CAMKV: variants seen among roughly 807,000 people sequenced by gnomAD.
CAMKV encodes CaM kinase like vesicle associated.
Under a neutral mutation model 50.2 loss-of-function variants are expected in CAMKV, and 5 were observed. The observed-to-expected ratio is 0.10, with a 90% CI of 0.05 to 0.21. CAMKV has a LOEUF of 0.21. Among genes scored for constraint, CAMKV ranks in the 10% least tolerant of loss-of-function variants. CAMKV has a pLI of 1.00. For missense variants in CAMKV, 361 were observed against 650.5 expected (o/e 0.55, Z 4.84); for synonymous variants, 229 against 250.1 (o/e 0.92, Z 0.80).
At position 49,861,298 on chromosome 3, in the gene CAMKV, C is replaced by T; in HGVS notation, c.444G>A (p.Leu148=). 1 of 1,614,106 alleles carries T rather than the reference C, an allele frequency of 6.2e-7. No individual in the cohort carries two copies. The highest frequency in any genetic ancestry group is 8.5e-7 in the Non-Finnish European group (1 of 1,180,038). ...SLKIVHRNLK[L]ENLVYYNRLK... ...GCCGGTTGTAGTAAACCAGGTTCTCCAGCTGTGGTGTGAGAATAGCATGTG... is the reference window on the plus strand; with the variant it reads ...GCCGGTTGTAGTAAACCAGGTTCTCTAGCTGTGGTGTGAGAATAGCATGTG... The change falls in exon 6 of 11, where the codon CTG becomes CTA. Residue 148 remains leucine, a splice_region_variant and synonymous_variant. Transcript: ENST00000477224. This position sits in a 1 kb window ranked among gnomAD's most constrained non-coding sequence, Gnocchi z 7.7.
rs149864872 is a variant in CAMKV, at chr3:49,862,335, C to A, written c.54G>T (p.Ser18=). ...CCAAATCATATCTGTCAGTCACCTC[C>A]GATGGCTGGTTATAGTTCTTCTTGT... ...LGDKKNYNQP[S]EVTDRYDLGQ... is the part of the protein sequence containing the mutation. Residue 18 remains serine, a synonymous_variant, in exon 2 of 11, where the codon TCG becomes TCT. Transcript: ENST00000477224. This position sits in a 1 kb window ranked among gnomAD's most constrained non-coding sequence, Gnocchi z 5.2. 331 of 1,614,102 alleles carry A rather than the reference C, an allele frequency of 2.1e-4. No homozygotes were observed. The highest frequency in any genetic ancestry group is 2.7e-4 in the Non-Finnish European group (316 of 1,180,046).
rs2082022737 is a variant in CAMKV, at chr3:49,861,680, A to G, written c.303-103T>C. The G allele has an allele frequency of 3.1e-6, 5 of 1,597,100 alleles. No homozygotes were observed. The highest frequency in any genetic ancestry group is 4.3e-6 in the Non-Finnish European group (5 of 1,167,354). On this transcript the variant is annotated intron_variant, in intron 4 of 10. Transcript: ENST00000477224. The surrounding 1 kb of genome is among the most constrained non-coding windows in gnomAD (Gnocchi z 7.7). Reference sequence around the variant, plus strand: ...CCAGGCAGCTGGCTGAGCAAGGCACAGGGACCTGGGACGCCAAGGGTCCAG... The same window carrying G: ...CCAGGCAGCTGGCTGAGCAAGGCACGGGGACCTGGGACGCCAAGGGTCCAG...
Position 49,869,476 on chromosome 3 carries a change from C to A in CAMKV, c.-15+282G>T, listed in dbSNP as rs1290805904. ...GCTCAGCTCTCGGCCCCTATCCTCA[C>A]GGGGGACCACGAATCTTCGAGGGTT... is the stretch of plus-strand genomic sequence containing the variant. On this transcript the variant is annotated intron_variant, in intron 1 of 10. Transcript: ENST00000477224. This position sits in a 1 kb window ranked among gnomAD's most constrained non-coding sequence, Gnocchi z 5.2. Among the ~76,000 whole-genome samples the A allele has an allele frequency of 6.6e-6, 1 of 152,170 alleles. No homozygotes were observed. The highest frequency in any genetic ancestry group is 1.5e-5 in the Non-Finnish European group (1 of 68,012).
Position 49,860,488 on chromosome 3 carries a change from C to T in CAMKV, c.837G>A (p.Glu279=), listed in dbSNP as rs56071455. The T allele has an allele frequency of 1.2e-6, 2 of 1,613,516 alleles. No individual in the cohort carries two copies. Among genetic ancestry groups the T allele is most frequent in the African/African-American group, 1.3e-5 (1 of 74,902 alleles). Residue 279 remains glutamate (E), a synonymous_variant, in exon 9 of 11, where the codon GAG becomes GAA. Transcript: ENST00000477224. The surrounding 1 kb of genome is among the most constrained non-coding windows in gnomAD (Gnocchi z 6.1). ...VEQDQRITAE[E]AISHEWISGN... ...CTGCTCACCACTCATGGGAGATGGC[C>T]TCTTCTGCAGTGATCCGCTGGTCTT...
rs764079591 is a variant in CAMKV, at chr3:49,859,685, G to C, written c.1139C>G (p.Ala380Gly). The part of the protein sequence containing the change: ...AARAAKSDNV[A>G]PADRSATPAT... ...TGGGGTGGCACTACGGTCTGCGGGG[G>C]CCACATTATCACTCTTTGCAGCACG... The change falls in exon 11 of 11, where the codon GCC (alanine) becomes GGC (glycine). Residue 380 changes from alanine (A) to glycine (G), a missense_variant. Transcript: ENST00000477224. This position sits in a 1 kb window ranked among gnomAD's most constrained non-coding sequence, Gnocchi z 5.5. 7.4e-6 allele frequency: 12 copies of C among 1,613,716 alleles called. No homozygotes were observed. In the South Asian group the frequency reaches 1.3e-4, roughly 18 times the overall value.
chr3:49,864,385 G>C (rs1487661609), intron 1 of CAMKV, among the ~76,000 whole-genome samples: 1 of 152,230 alleles, frequency 6.6e-6, no homozygotes, highest in Non-Finnish European at 1.5e-5. Context: ...GTCAGGTCCA[G>C]GTGCAAGGCC....
At chr3:49,866,498 A>C (rs2082066566) in intron 1 of CAMKV, among the ~76,000 whole-genome samples, 1 of 152,198 alleles carries the variant, frequency 6.6e-6, no homozygotes, top group Non-Finnish European at 1.5e-5. Context: ...TGGGAGCTCC[A>C]CAACAGCCAT....
Position 49,862,347 on chromosome 3 carries a change from A to G in CAMKV, c.42T>C (p.Tyr14=), listed in dbSNP as rs369041674. 2.3e-5 allele frequency: 37 copies of G among 1,614,078 alleles called. No homozygotes were observed. Among genetic ancestry groups the G allele is most frequent in the Non-Finnish European group, 2.7e-5 (32 of 1,180,040 alleles). The part of the protein sequence containing the change: ...GCVTLGDKKN[Y]NQPSEVTDRY... ...TGTCAGTCACCTCCGATGGCTGGTT[A>G]TAGTTCTTCTTGTCGCCCAGAGTCA... The change falls in exon 2 of 11, where the codon TAT becomes TAC. Residue 14 remains tyrosine, a synonymous_variant. Coordinates refer to ENST00000477224, the MANE Select transcript of CAMKV (RefSeq NM_024046.5). This position sits in a 1 kb window ranked among gnomAD's most constrained non-coding sequence, Gnocchi z 5.2.
At position 49,869,205 on chromosome 3, in the gene CAMKV, T is replaced by C. The variant is rs1409014693; in HGVS notation, c.-15+553A>G. Among the ~76,000 whole-genome samples the C allele has an allele frequency of 1.3e-5, 2 of 152,162 alleles. No homozygotes were observed. Among genetic ancestry groups the C allele is most frequent in the East Asian group, 2.0e-4 (1 of 5,120 alleles). ...CACCCCCACCGTGCACGTGGGTCCA[T>C]GCACTGGACCCCCAGCTGGCACCCA... On this transcript the variant is annotated intron_variant, in intron 1 of 10. Coordinates refer to ENST00000477224, the MANE Select transcript of CAMKV (RefSeq NM_024046.5). This position sits in a 1 kb window ranked among gnomAD's most constrained non-coding sequence, Gnocchi z 5.2.
chr3:49,859,305 C>G lies in CAMKV; in HGVS notation c.*13G>C. The G allele has an allele frequency of 6.6e-7, 1 of 1,515,906 alleles. No individual in the cohort carries two copies. Among genetic ancestry groups the G allele is most frequent in the Admixed American group, 2.2e-5 (1 of 45,914 alleles). The allele number at this position is 1,515,906 out of a possible 1,614,324, so 93.9% of individuals were successfully genotyped here. ...CCTGCCCATCCCCTGCCCCCCCTCA[C>G]CAGGCTGCCTACTCAGCTGGCCTCC... On this transcript the variant is annotated 3_prime_UTR_variant, in exon 11 of 11. Transcript: ENST00000477224. This position sits in a 1 kb window ranked among gnomAD's most constrained non-coding sequence, Gnocchi z 5.5.
Position 49,862,439 on chromosome 3 carries a change from T to C in CAMKV, c.-14-37A>G, listed in dbSNP as rs373306408. ...ATGGGGTCTGGCTTAGCTGTACTAC[T>C]CTCCACTTCCCCACAACATAGGGGC... is the stretch of plus-strand genomic sequence containing the variant. On this transcript the variant is annotated intron_variant, in intron 1 of 10. Transcript: ENST00000477224. This position sits in a 1 kb window ranked among gnomAD's most constrained non-coding sequence, Gnocchi z 5.2. The C allele has an allele frequency of 6.6e-4, 1,030 of 1,559,668 alleles. No individual in the cohort carries two copies. The highest frequency in any genetic ancestry group is 8.5e-4 in the Non-Finnish European group (963 of 1,130,112).
Position 49,861,759 on chromosome 3 carries a change from G to T in CAMKV, c.302+32C>A. ...GGGACAGGTGAAAGCCCTGGGCGCT[G>T]GGGAATCTTGGGTCCCCAGACCCAC... On this transcript the variant is annotated intron_variant, in intron 4 of 10. Coordinates refer to ENST00000477224, the MANE Select transcript of CAMKV (RefSeq NM_024046.5). The surrounding 1 kb of genome is among the most constrained non-coding windows in gnomAD (Gnocchi z 7.7). 1 of 1,610,796 alleles carries T rather than the reference G, an allele frequency of 6.2e-7. No homozygotes were observed. Among genetic ancestry groups the T allele is most frequent in the South Asian group, 1.1e-5 (1 of 90,956 alleles).
In CAMKV at chr3:49,861,076, T is replaced by C. The variant is rs2082016504; in HGVS notation, c.563-58A>G. Reference sequence around the variant, plus strand: ...TCAGGCCTAGCCAGGTCCAGTACCATCCACACCAGCTTCCTGAGATGAGCA... The same window carrying C: ...TCAGGCCTAGCCAGGTCCAGTACCACCCACACCAGCTTCCTGAGATGAGCA... On this transcript the variant is annotated intron_variant, in intron 6 of 10. Coordinates refer to ENST00000477224, the MANE Select transcript of CAMKV (RefSeq NM_024046.5). The surrounding 1 kb of genome is among the most constrained non-coding windows in gnomAD (Gnocchi z 7.7). The C allele has an allele frequency of 6.2e-7, 1 of 1,610,438 alleles. No homozygotes were observed. Among genetic ancestry groups the C allele is most frequent in the South Asian group, 1.1e-5 (1 of 90,724 alleles).
chr3:49,866,814 C>T (rs1440820921), intron 1 of CAMKV, among the ~76,000 whole-genome samples: 3 of 152,258 alleles, frequency 2.0e-5, no homozygotes, highest in African/African-American at 4.8e-5. Context: ...AAAGCCCAAA[C>T]GGGACAAAGG....
rs2082033456 is a variant in CAMKV at position 49,862,832 on chromosome 3, AAACTCCC to A, written c.-14-437_-14-431del. On this transcript the variant is annotated intron_variant, in intron 1 of 10. Coordinates refer to ENST00000477224, the MANE Select transcript of CAMKV (RefSeq NM_024046.5). The surrounding 1 kb of genome is among the most constrained non-coding windows in gnomAD (Gnocchi z 5.2). ...AACGTGAGCACTGCTAGGAGAGGGC[AAACTCCC>A]CTTTGTAAAGCAGTTTGGTAAAACC... Among the ~76,000 whole-genome samples, 2 of 152,232 alleles carry A rather than the reference AAACTCCC, an allele frequency of 1.3e-5. No individual in the cohort carries two copies. The highest frequency in any genetic ancestry group is 2.9e-5 in the Non-Finnish European group (2 of 68,048).
chr3:49,864,531 T>C (rs1037680996), intron 1 of CAMKV, among the ~76,000 whole-genome samples: 1 of 151,750 alleles, frequency 6.6e-6, no homozygotes, highest in African/African-American at 2.4e-5. Context: ...CTGACTCCAG[T>C]GTCCAAAGGA....
intron 1 of CAMKV, among the ~76,000 whole-genome samples, chr3:49,865,459 C>A (rs759245289): frequency 1.5e-4 from 23 of 152,292 alleles, no homozygotes; most frequent in Middle Eastern, 3.4e-3. Context: ...GAGTGCCCTT[C>A]CCCCAAAAGC....
rs1318162743 is a variant in CAMKV, at chr3:49,861,292, G to A, written c.450C>T (p.Asn150=). The A allele has an allele frequency of 1.2e-6, 2 of 1,614,114 alleles. No individual in the cohort carries two copies. Among genetic ancestry groups the A allele is most frequent in the Admixed American group, 3.3e-5 (2 of 60,010 alleles). The change falls in exon 6 of 11, where the codon AAC becomes AAT. Residue 150 remains asparagine (N), a synonymous_variant. Transcript: ENST00000477224. This position sits in a 1 kb window ranked among gnomAD's most constrained non-coding sequence, Gnocchi z 7.7. ...KIVHRNLKLE[N]LVYYNRLKNS... The stretch of plus-strand genomic sequence containing the variant: ...TCTTCAGCCGGTTGTAGTAAACCAG[G>A]TTCTCCAGCTGTGGTGTGAGAATAG...
chr3:49,859,222 G>C lies in CAMKV; in HGVS notation c.*96C>G. 8.7e-7 allele frequency: 1 copy of C among 1,149,416 alleles called. No homozygotes were observed. Among genetic ancestry groups the C allele is most frequent in the Non-Finnish European group, 1.2e-6 (1 of 818,508 alleles). The allele number at this position is 1,149,416 out of a possible 1,614,324, so 71.2% of individuals were successfully genotyped here. On this transcript the variant is annotated 3_prime_UTR_variant, in exon 11 of 11. Coordinates refer to ENST00000477224, the MANE Select transcript of CAMKV (RefSeq NM_024046.5). This position sits in a 1 kb window ranked among gnomAD's most constrained non-coding sequence, Gnocchi z 5.5. Reference sequence around the variant, plus strand: ...GGATGTGGGGGCATGGGGGAGCGAGGGCATCATGCCAGTGACTCTATGTAC... The same window carrying C: ...GGATGTGGGGGCATGGGGGAGCGAGCGCATCATGCCAGTGACTCTATGTAC...
Sources: allele counts gnomAD v4.1 joint callset (sites outside exome capture counted in the v4.1 genomes callset), GRCh38; gene constraint gnomAD v4.1.1; non-coding constraint Gnocchi (gnomAD v3.1); transcripts MANE v1.5; gene names NCBI Gene and HGNC (gene_info 2026-07-23, HGNC 2026-07-21).